The following GCN1 variants were observed in gnomAD, a reference collection of about 807,000 sequenced individuals.
GCN1 encodes GCN1 activator of EIF2AK4.
A neutral mutation model predicts 288.4 loss-of-function variants in GCN1; 90 were observed. That is an observed-to-expected ratio of 0.31 (90% CI 0.26 to 0.37). The LOEUF (loss-of-function observed/expected upper bound fraction) is 0.37. Ranked by LOEUF, GCN1 falls within the 10% of genes least tolerant of loss-of-function variation. The probability of loss-of-function intolerance (pLI) is 1.00; values close to 1 mark genes in which losing one functional copy is unlikely to be tolerated. For missense variants in GCN1, 2,586 were observed against 3,419.9 expected (o/e 0.76, Z 6.08); for synonymous variants, 1,386 against 1,420.2 (o/e 0.98, Z 0.54).
Position 120,173,986 on chromosome 12 carries a change from GT to G in GCN1, c.1192+84del. The G allele has an allele frequency of 3.9e-6, 4 of 1,037,526 alleles. No homozygotes were observed. The South Asian group carries it at 5.4e-5, about 14-fold the overall frequency. 64.3% of individuals were successfully genotyped at this position (1,037,526 alleles called of 1,614,324 possible). ...TGAGGGAGGTGTGTCTTTAGGAGAG[GT>G]TTATGGAAGGAAAGCTCCAACTGTG... On this transcript the variant is annotated intron_variant, in intron 13 of 57. Transcript: ENST00000300648.
At chr12:120,139,348 C>T (rs900319637) in intron 45 of GCN1, among the ~76,000 whole-genome samples, 7 of 152,006 alleles carry the variant, frequency 4.6e-5, no homozygotes, top group Admixed American at 1.3e-4. Flanking sequence ...AGAGAGGGGC[C>T]GCGCACAGTG....
chr12:120,151,276 T>C lies in GCN1; in HGVS notation c.4178A>G (p.Glu1393Gly), dbSNP rs766376809. 5 of 1,614,072 alleles carry C rather than the reference T, an allele frequency of 3.1e-6. No individual in the cohort carries two copies. In the Admixed American group the frequency reaches 8.3e-5, roughly 27 times the overall value. Residue 1393 changes from glutamate to glycine, a missense_variant, in exon 34 of 58, where the codon GAG becomes GGG. Physicochemically the swap from Glu to Gly is moderately conservative, Grantham distance 98. Coordinates refer to ENST00000300648, the MANE Select transcript of GCN1 (RefSeq NM_006836.2). ...QQLLESDKYAERKGAAYGLAG... is the reference protein window; with the variant it reads ...QQLLESDKYAGRKGAAYGLAG... ...CAGGCCATAGGCGGCCCCTTTGCGC[T>C]CTGCGTACTTGTCTGACTCCAGCAG...
At chr12:120,184,299 G>C in intron 3 of GCN1, 56 bp from the exon 4 acceptor site, 1 of 1,534,020 alleles carries the variant, frequency 6.5e-7, no homozygotes. Context: ...AGAGGCAGGG[G>C]CAAGGCTGCT....
In GCN1 at chr12:120,183,629, G is replaced by C. The variant is rs1566320014; in HGVS notation, c.366C>G (p.Leu122=). 1 of 1,613,846 alleles carries C rather than the reference G, an allele frequency of 6.2e-7. No homozygotes were observed. The highest frequency in any genetic ancestry group is 8.5e-7 in the Non-Finnish European group (1 of 1,179,864). The change falls in exon 5 of 58, where the codon CTC becomes CTG. Residue 122 remains leucine (L), a synonymous_variant. Transcript: ENST00000300648. ...AALLALTWTC[L]LVRIVFPSRA... ...TCGATGGAAAGACAATGCGCACCAG[G>C]AGGCAGGTCCAGGTCAAGGCCAGCA... is the stretch of plus-strand genomic sequence containing the variant.
rs112303104 is a variant in GCN1, at chr12:120,177,768, C to T, written c.661-16G>A. The stretch of plus-strand genomic sequence containing the variant: ...GTAGGGCGCTCTAGAGAACACAAAG[C>T]TCTGGTTAGATCCTGACATTCTCAA... On this transcript the variant is annotated splice_polypyrimidine_tract_variant and intron_variant, in intron 7 of 57. Coordinates refer to ENST00000300648, the MANE Select transcript of GCN1 (RefSeq NM_006836.2). 4.8e-4 allele frequency: 758 copies of T among 1,587,338 alleles called. 5 individuals are homozygous for T. The African/African-American group carries it at 7.9e-3, about 16-fold the overall frequency.
At chr12:120,157,715 G>A in intron 26 of GCN1, 134 bp downstream of exon 26, 1 of 721,062 alleles carries the variant, frequency 1.4e-6, no homozygotes, top group East Asian at 2.7e-5. Flanking sequence ...ACAACACTGT[G>A]TGAGGCTGCT....
At chr12:120,162,820 G>C (rs187371948) in intron 20 of GCN1, 27 bp downstream of exon 20, 7 of 1,612,014 alleles carry the variant, frequency 4.3e-6, no homozygotes, top group Non-Finnish European at 5.9e-6. Flanking sequence ...CCGGACCTGA[G>C]GCCAGACCAG....
chr12:120,138,343 G>A lies in GCN1; in HGVS notation c.6229C>T (p.Leu2077=). The A allele has an allele frequency of 6.2e-7, 1 of 1,604,870 alleles. No homozygotes were observed. Among genetic ancestry groups the A allele is most frequent in the Non-Finnish European group, 8.5e-7 (1 of 1,171,486 alleles). ...QVMAIKSRVV[L]PYLVPKLTTP... is the part of the protein sequence containing the mutation. Reference sequence around the variant, plus strand: ...TTTACCTTGGGCACAAGGTAGGGCAGCACCACACGACTCTTAATAGCCATG... The same window carrying A: ...TTTACCTTGGGCACAAGGTAGGGCAACACCACACGACTCTTAATAGCCATG... Residue 2077 remains leucine (L), a synonymous_variant, in exon 47 of 58, where the codon CTG becomes TTG. Coordinates refer to ENST00000300648, the MANE Select transcript of GCN1 (RefSeq NM_006836.2).
Position 120,164,475 on chromosome 12 carries a change from A to C in GCN1, c.1709T>G (p.Val570Gly), listed in dbSNP as rs1594277405. The change falls in exon 18 of 58, where the codon GTG becomes GGG. Residue 570 changes from valine (V) to glycine (G), a missense_variant. Val to Gly is a moderately radical substitution (Grantham distance 109, BLOSUM62 -3). This residue lies in a region of GCN1 where 913 missense variants were observed against 1,107.0 expected (regional missense o/e 0.82). Coordinates refer to ENST00000300648, the MANE Select transcript of GCN1 (RefSeq NM_006836.2). ...CCAGGTGCGGCTCAGGAGCACCGCC[A>C]CCAGAGCCCGGTGGTACTGCCTGCA... ...NKVQQYHRALVAVLLSRTWHV... is the reference protein window; with the variant it reads ...NKVQQYHRALGAVLLSRTWHV... 1 of 1,614,002 alleles carries C rather than the reference A, an allele frequency of 6.2e-7. No individual in the cohort carries two copies. The highest frequency in any genetic ancestry group is 8.5e-7 in the Non-Finnish European group (1 of 1,179,966).
chr12:120,160,565 A>C (rs75477559), intron 22 of GCN1, among the ~76,000 whole-genome samples: 3,813 of 152,328 alleles, frequency 0.025, 163 homozygotes, highest in African/African-American at 0.085. Flanking sequence ...CTGACAGCCA[A>C]ATGGATTCAG....
At chr12:120,159,758 G>T in intron 24 of GCN1, 67 bp downstream of exon 24, 2 of 1,389,062 alleles carry the variant, frequency 1.4e-6, no homozygotes, top group Non-Finnish European at 2.0e-6. Context: ...GCACTCAGGG[G>T]CACACCCTGT....
At chr12:120,139,056 TC>T in intron 45 of GCN1, 200 bp from the exon 46 acceptor site, 1 of 409,012 alleles carries the variant, frequency 2.4e-6, no homozygotes, top group Non-Finnish European at 4.4e-6. Flanking sequence ...ACACCTGTAA[TC>T]CCAGCACTTT....
Position 120,163,201 on chromosome 12 carries a change from G to T in GCN1, c.1907C>A (p.Ala636Asp). 6.2e-7 allele frequency: 1 copy of T among 1,614,028 alleles called. No individual in the cohort carries two copies. The change falls in exon 19 of 58, where the codon GCC becomes GAC. Residue 636 changes from alanine (A) to aspartate (D), a missense_variant. Transcript: ENST00000300648. ...DAGEVTEAGKAYVPPRVLQEA... is the reference protein window; with the variant it reads ...DAGEVTEAGKDYVPPRVLQEA... ...CTGCAGGACCCGTGGAGGCACGTAG[G>T]CCTTGCCTGCCTCAGTCACCTCTCC...
chr12:120,165,002 T>TACACATATATAC (rs1555301714), intron 16 of GCN1, among the ~76,000 whole-genome samples: 3 of 136,892 alleles, frequency 2.2e-5, no homozygotes, highest in African/African-American at 8.5e-5. Context: ...TACACATATA[T>TACACATATATAC]ACACACACAC....
At chr12:120,181,541 A>T (rs1342407487) in intron 5 of GCN1, among the ~76,000 whole-genome samples, 1 of 150,428 alleles carries the variant, frequency 6.6e-6, no homozygotes, top group Non-Finnish European at 1.5e-5. Flanking sequence ...ACATTTTTTT[A>T]AAAGTAGGCT....
intron 51 of GCN1, among the ~76,000 whole-genome samples, chr12:120,135,033 A>G (rs985449344): frequency 6.6e-6 from 1 of 152,232 alleles, no homozygotes; most frequent in Non-Finnish European, 1.5e-5. Context: ...ACCTGTCCAT[A>G]TCGATAAGTG....
intron 33 of GCN1, 85 bp from the exon 34 acceptor site, chr12:120,151,476 C>G (rs1383573807): frequency 1.4e-6 from 2 of 1,402,870 alleles, no homozygotes; most frequent in Non-Finnish European, 2.0e-6. Context: ...CTACACAGCA[C>G]CCACCACTAG....
At position 120,127,631 on chromosome 12, in the gene GCN1, CT is replaced by C. The variant is rs1326036230; in HGVS notation, c.*217del. The C allele has an allele frequency of 7.1e-6, 4 of 559,538 alleles. No individual in the cohort carries two copies. The highest frequency in any genetic ancestry group is 1.3e-5 in the Non-Finnish European group (4 of 314,148). 34.7% of individuals were successfully genotyped at this position (559,538 alleles called of 1,614,324 possible). A position where few individuals can be genotyped will look rare whatever the true frequency, so the allele number is the denominator to read the frequency against. On this transcript the variant is annotated 3_prime_UTR_variant, in exon 58 of 58. Coordinates refer to ENST00000300648, the MANE Select transcript of GCN1 (RefSeq NM_006836.2). The stretch of plus-strand genomic sequence containing the variant: ...CCATTTGCTGAGGCGCATGCGTGTG[CT>C]TTTCCTTCTCTTCTCCACAGGAAAA...
rs191107007 is a variant in GCN1, at chr12:120,174,235, G to A, written c.1094-66C>T. On this transcript the variant is annotated intron_variant, in intron 12 of 57. Coordinates refer to ENST00000300648, the MANE Select transcript of GCN1 (RefSeq NM_006836.2). Reference sequence around the variant, plus strand: ...AACCACAGAGGCAAGTCTTCCCACTGCTGCCACCTCCGCACTCTGGGTCAC... The same window carrying A: ...AACCACAGAGGCAAGTCTTCCCACTACTGCCACCTCCGCACTCTGGGTCAC... The A allele has an allele frequency of 6.1e-5, 54 of 887,320 alleles. No individual in the cohort carries two copies. In the Middle Eastern group the frequency reaches 6.5e-4, roughly 11 times the overall value. 55.0% of individuals were successfully genotyped at this position (887,320 alleles called of 1,614,324 possible).
Sources: allele counts gnomAD v4.1 joint callset (sites outside exome capture counted in the v4.1 genomes callset), GRCh38; gene constraint gnomAD v4.1.1; regional missense constraint gnomAD v4.1.1; transcripts MANE v1.5; gene names NCBI Gene and HGNC (gene_info 2026-07-23, HGNC 2026-07-21).